The following SEMA3A variants were observed in gnomAD, a reference collection of about 807,000 sequenced individuals.
SEMA3A encodes semaphorin 3A.
SEMA3A carries 29 observed loss-of-function variants against 97.9 expected under a neutral mutation model. That is an observed-to-expected ratio of 0.30 (90% CI 0.22 to 0.40). SEMA3A has a LOEUF of 0.40. SEMA3A is among the 10% of genes least tolerant of loss of function. The pLI is 1.00. For synonymous variants in SEMA3A, 321 were observed against 323.7 expected (o/e 0.99, Z 0.09); for missense variants, 763 against 951.3 (o/e 0.80, Z 2.60).
chr7:83,999,230 G>A (rs1303515228), intron 12 of SEMA3A, among the ~76,000 whole-genome samples: 1 of 152,068 alleles, frequency 6.6e-6, no homozygotes, highest in Non-Finnish European at 1.5e-5. Flanking sequence ...GGTTTCCAAA[G>A]TCTCATAATT....
At chr7:84,255,969 A>C (rs539731522) in intron 3 of SEMA3A, among the ~76,000 whole-genome samples, 3 of 151,158 alleles carry the variant, frequency 2.0e-5, no homozygotes. Flanking sequence ...CCCAAGCACA[A>C]GAATAAAATA....
intron 6 of SEMA3A, among the ~76,000 whole-genome samples, chr7:84,031,150 G>A (rs951245221): frequency 4.6e-5 from 7 of 151,632 alleles, no homozygotes; most frequent in East Asian, 2.0e-4. Flanking sequence ...GTGCCACCAC[G>A]CCTCGCTAGT....
chr7:84,133,925 G>A (rs552442451), intron 2 of SEMA3A, among the ~76,000 whole-genome samples: 88 of 151,052 alleles, frequency 5.8e-4, no homozygotes, highest in Non-Finnish European at 1.2e-3. Flanking sequence ...AGCCGGGCGT[G>A]GTGGCAGGCA....
At chr7:84,167,315 T>C (rs182405153) in intron 1 of SEMA3A, among the ~76,000 whole-genome samples, 1 of 152,286 alleles carries the variant, frequency 6.6e-6, no homozygotes, top group East Asian at 1.9e-4. Context: ...CTCTGAATAA[T>C]AGAAACAGTA....
At chr7:84,423,320 T>C (rs756295207) in intron 1 of SEMA3A, among the ~76,000 whole-genome samples, 1 of 152,086 alleles carries the variant, frequency 6.6e-6, no homozygotes, top group Non-Finnish European at 1.5e-5. Context: ...CCTCAATTCC[T>C]GTCCTTCTTC....
intron 2 of SEMA3A, among the ~76,000 whole-genome samples, chr7:84,312,872 T>TTATATATATA (rs377261705): frequency 2.0e-5 from 1 of 48,848 alleles, no homozygotes; most frequent in Non-Finnish European, 3.5e-5. Context: ...TGGTGTTGTT[T>TTATATATATA]TATATATATA....
rs574767926 is a variant in SEMA3A, at chr7:84,027,296, T to C, written c.668-12945A>G. Among the ~76,000 whole-genome samples, 11 of 152,308 alleles carry C rather than the reference T, an allele frequency of 7.2e-5. No individual in the cohort carries two copies. In the East Asian group the frequency reaches 7.7e-4, roughly 11 times the overall value. Reference sequence around the variant, plus strand: ...TTGGGATTCCCACAACTTTTATTCTTAAATTACTTTATTTATGAAAATTCC... The same window carrying C: ...TTGGGATTCCCACAACTTTTATTCTCAAATTACTTTATTTATGAAAATTCC... On this transcript the variant is annotated intron_variant, in intron 6 of 16. Coordinates refer to ENST00000265362, the MANE Select transcript of SEMA3A (RefSeq NM_006080.3).
chr7:84,440,670 T>C (rs1055952543), intron 1 of SEMA3A, among the ~76,000 whole-genome samples: 2 of 152,094 alleles, frequency 1.3e-5, no homozygotes, highest in African/African-American at 2.4e-5. Flanking sequence ...GAGAAGACCA[T>C]AAGTTTATAC....
chr7:84,214,313 G>A (rs1348580328), intron 3 of SEMA3A, among the ~76,000 whole-genome samples: 2 of 152,136 alleles, frequency 1.3e-5, no homozygotes, highest in East Asian at 1.9e-4. Flanking sequence ...TTGCAACTCA[G>A]TTGGACTTAC....
intron 1 of SEMA3A, among the ~76,000 whole-genome samples, chr7:84,450,819 T>C (rs550924437): frequency 2.0e-5 from 3 of 152,340 alleles, no homozygotes; most frequent in Non-Finnish European, 2.9e-5. Context: ...TGTAGGAATA[T>C]CTATTGAATT....
intron 1 of SEMA3A, among the ~76,000 whole-genome samples, chr7:84,428,560 T>C (rs945488594): frequency 1.3e-5 from 2 of 152,068 alleles, no homozygotes; most frequent in Non-Finnish European, 2.9e-5. Context: ...TTGAATATTG[T>C]CCTATTTGAG....
In SEMA3A at chr7:84,363,783, T is replaced by C. The variant is rs12671925; in HGVS notation, c.-169+8041A>G. Among the ~76,000 whole-genome samples, 329 of 152,004 alleles carry C rather than the reference T, an allele frequency of 2.2e-3. 9 individuals are homozygous for C. The East Asian group carries it at 0.059, about 27-fold the overall frequency. ...GATTGGTCTAGGCCAATCTTTCTCA[T>C]AGTGTGATCTAGGGAACTCTAAGCT... On this transcript the variant is annotated intron_variant, in intron 2 of 3. Coordinates refer to the SEMA3A transcript ENST00000424555.
At chr7:84,000,057 A>G (rs1017978989) in intron 12 of SEMA3A, among the ~76,000 whole-genome samples, 1 of 152,176 alleles carries the variant, frequency 6.6e-6, no homozygotes, top group Non-Finnish European at 1.5e-5. Context: ...ATGTTGGTTT[A>G]AAAGACATTT....
At chr7:84,162,843 T>C (rs1163106017) in intron 1 of SEMA3A, among the ~76,000 whole-genome samples, 1 of 152,140 alleles carries the variant, frequency 6.6e-6, no homozygotes, top group African/African-American at 2.4e-5. Flanking sequence ...AGAGGCACAA[T>C]TAAGCAACAG....
At chr7:84,195,375 T>A (rs1798197908), upstream of SEMA3A, 2 of 152,122 alleles carry the variant, frequency 1.3e-5, no homozygotes, top group Admixed American at 1.3e-4. Flanking sequence ...AAATTTACAA[T>A]TCATGCTCAT....
At chr7:84,275,186 A>C (rs79714767) in intron 3 of SEMA3A, among the ~76,000 whole-genome samples, 2,454 of 152,188 alleles carry the variant, frequency 0.016, 37 homozygotes, top group Non-Finnish European at 0.027. Flanking sequence ...AGTTAGTTTA[A>C]TCAATGCTAG....
At chr7:84,063,727 T>A (rs912765366) in intron 4 of SEMA3A, among the ~76,000 whole-genome samples, 2 of 149,850 alleles carry the variant, frequency 1.3e-5, no homozygotes, top group Non-Finnish European at 3.0e-5. Flanking sequence ...GAAAAAAGAA[T>A]AAAAAGAAAT....
intron 1 of SEMA3A, among the ~76,000 whole-genome samples, chr7:84,415,058 T>G (rs1804395531): frequency 6.6e-6 from 1 of 152,096 alleles, no homozygotes. Flanking sequence ...TATGAAGAGT[T>G]AGGTTTCTAT....
At chr7:83,979,367 C>A (rs1392331288) in intron 14 of SEMA3A, among the ~76,000 whole-genome samples, 1 of 152,082 alleles carries the variant, frequency 6.6e-6, no homozygotes, top group African/African-American at 2.4e-5. Context: ...CTCTTGACAT[C>A]GTGAGCCGCC....
Sources: gnomAD v4.1 joint callset for allele counts (sites outside exome capture counted in the v4.1 genomes callset) on GRCh38, gnomAD v4.1.1 for gene constraint, MANE v1.5 for transcripts, NCBI Gene and HGNC (gene_info 2026-07-23, HGNC 2026-07-21) for gene names.